Variants in PLPPR1 observed in about 807,000 individuals in gnomAD.
The protein encoded by PLPPR1 is phospholipid phosphatase related 1.
A neutral mutation model predicts 33.1 loss-of-function variants in PLPPR1; 10 were observed. That is an observed-to-expected ratio of 0.30 (90% confidence interval 0.19 to 0.51). The LOEUF (loss-of-function observed/expected upper bound fraction) is 0.51, where lower values mean the gene tolerates loss of function less well. Among genes scored for constraint, PLPPR1 ranks in the 20% least tolerant of loss-of-function variants. PLPPR1 has a pLI of 0.97. For synonymous variants in PLPPR1, 151 were observed against 151.0 expected (o/e 1.00, Z 0.00); for missense variants, 304 against 408.1 (o/e 0.74, Z 2.20).
chr9:101,317,226 C>A, intron 6 of PLPPR1, 139 bp from the exon 7 acceptor site: 2 of 859,730 alleles, frequency 2.3e-6, no homozygotes, highest in Admixed American at 2.4e-5. Context: ...CAGCACTTCC[C>A]ATAGTCCCTT....
intron 4 of PLPPR1, among the ~76,000 whole-genome samples, chr9:101,296,551 A>G (rs553686951): frequency 1.4e-4 from 21 of 152,290 alleles, no homozygotes; most frequent in African/African-American, 3.9e-4. Flanking sequence ...AACCAACACA[A>G]ATGTCCAACA....
Position 101,236,145 on chromosome 9 carries a change from A to G in PLPPR1, c.64-33735A>G, listed in dbSNP as rs551108175. ...ATGCCTTCTAGTATTCTCTCCATCAAGTAATTGCCAGGGTTGTGCTTGGTT... is the reference window on the plus strand; with the variant it reads ...ATGCCTTCTAGTATTCTCTCCATCAGGTAATTGCCAGGGTTGTGCTTGGTT... On this transcript the variant is annotated intron_variant, in intron 2 of 7. Transcript: ENST00000374874. Among the ~76,000 whole-genome samples the G allele has an allele frequency of 1.8e-4, 28 of 151,736 alleles. No individual in the cohort carries two copies. The Admixed American group carries it at 1.8e-3, about 10-fold the overall frequency.
intron 1 of PLPPR1, among the ~76,000 whole-genome samples, chr9:101,057,796 C>A (rs1036467790): frequency 3.9e-5 from 6 of 152,138 alleles, no homozygotes; most frequent in African/African-American, 1.4e-4. Flanking sequence ...ATATTCTTTT[C>A]TATTGGAAGG....
intron 2 of PLPPR1, among the ~76,000 whole-genome samples, chr9:101,222,575 A>G (rs771641363): frequency 6.6e-6 from 1 of 152,176 alleles, no homozygotes; most frequent in Non-Finnish European, 1.5e-5. Flanking sequence ...TGTGAAGGAC[A>G]TTTTACACTA....
chr9:101,264,964 C>T (rs895610160), intron 2 of PLPPR1, among the ~76,000 whole-genome samples: 4 of 152,166 alleles, frequency 2.6e-5, no homozygotes, highest in Non-Finnish European at 4.4e-5. Flanking sequence ...GACACACAGG[C>T]TTACATGAGT....
intron 1 of PLPPR1, among the ~76,000 whole-genome samples, chr9:101,049,658 T>C (rs751048581): frequency 6.6e-6 from 1 of 152,180 alleles, no homozygotes; most frequent in African/African-American, 2.4e-5. Flanking sequence ...TAAACTCTGA[T>C]GGGCTGGCTC....
intron 1 of PLPPR1, among the ~76,000 whole-genome samples, chr9:101,174,528 C>A (rs1232775654): frequency 2.0e-5 from 3 of 152,120 alleles, no homozygotes; most frequent in Non-Finnish European, 2.9e-5. Context: ...TTATTCTCTG[C>A]ACATTCTCTG....
intron 1 of PLPPR1, among the ~76,000 whole-genome samples, chr9:101,039,074 A>G (rs1830045624): frequency 6.6e-6 from 1 of 152,188 alleles, no homozygotes; most frequent in Non-Finnish European, 1.5e-5. Flanking sequence ...TAATCAAGTC[A>G]TGAAATCTTT....
intron 2 of PLPPR1, among the ~76,000 whole-genome samples, chr9:101,224,880 A>G (rs1827030032): frequency 6.6e-6 from 1 of 152,176 alleles, no homozygotes. Flanking sequence ...TGGTTCCTCC[A>G]GTTGCTGGGA....
chr9:101,304,028 T>C (rs1022166311), intron 4 of PLPPR1, among the ~76,000 whole-genome samples: 1 of 152,216 alleles, frequency 6.6e-6, no homozygotes, highest in African/African-American at 2.4e-5. Context: ...CTCCATACTC[T>C]AAGGTTTTTT....
At position 101,147,284 on chromosome 9, in the gene PLPPR1, G is replaced by A. The variant is rs1053563668; in HGVS notation, c.-45-38166G>A. On this transcript the variant is annotated intron_variant, in intron 1 of 7. Transcript: ENST00000374874. The stretch of plus-strand genomic sequence containing the variant: ...TTTGTTCACAGTAAGGGCTCCTTGT[G>A]AGAATTACCCATTTTCTGTCTTTGG... Among the ~76,000 whole-genome samples the A allele has an allele frequency of 4.6e-5, 7 of 152,134 alleles. No individual in the cohort carries two copies. In the East Asian group the frequency reaches 5.8e-4, roughly 13 times the overall value.
intron 1 of PLPPR1, among the ~76,000 whole-genome samples, chr9:101,129,117 G>T (rs1402836818): frequency 6.6e-6 from 1 of 151,962 alleles, no homozygotes; most frequent in African/African-American, 2.4e-5. Flanking sequence ...AGAGTTCCTT[G>T]TCCTCTAATT....
At chr9:101,048,788 G>C (rs948755827) in intron 1 of PLPPR1, among the ~76,000 whole-genome samples, 4 of 152,162 alleles carry the variant, frequency 2.6e-5, no homozygotes, top group African/African-American at 9.7e-5. Flanking sequence ...CTACAGGGTG[G>C]CTATCCACTA....
At chr9:101,141,761 C>T (rs1444362339) in intron 1 of PLPPR1, among the ~76,000 whole-genome samples, 1 of 152,058 alleles carries the variant, frequency 6.6e-6, no homozygotes, top group Non-Finnish European at 1.5e-5. Flanking sequence ...GATTGGAAAA[C>T]TGCATGAAAA....
intron 1 of PLPPR1, among the ~76,000 whole-genome samples, chr9:101,141,447 TA>T (rs1034478983): frequency 2.6e-5 from 4 of 152,174 alleles, no homozygotes; most frequent in African/African-American, 9.7e-5. Context: ...TTAGAGAGAT[TA>T]AGTACTTTGC....
intron 1 of PLPPR1, among the ~76,000 whole-genome samples, chr9:101,034,976 C>G (rs1829992346): frequency 6.6e-6 from 1 of 152,120 alleles, no homozygotes; most frequent in African/African-American, 2.4e-5. Flanking sequence ...TAACACTTGC[C>G]TAGTTGCCCA....
intron 4 of PLPPR1, among the ~76,000 whole-genome samples, chr9:101,291,283 G>A (rs576379820): frequency 8.5e-5 from 13 of 152,344 alleles, no homozygotes; most frequent in South Asian, 6.2e-4. Flanking sequence ...CAAAGCAGCC[G>A]GGAAGCTCGA....
chr9:101,114,433 A>T (rs1193551179), intron 1 of PLPPR1, among the ~76,000 whole-genome samples: 1 of 152,212 alleles, frequency 6.6e-6, no homozygotes, highest in Admixed American at 6.5e-5. Context: ...GGAAATAGAT[A>T]TGGCTGTGTG....
chr9:101,143,785 T>A (rs1036730305), intron 1 of PLPPR1, among the ~76,000 whole-genome samples: 1 of 152,164 alleles, frequency 6.6e-6, no homozygotes, highest in Non-Finnish European at 1.5e-5. Context: ...AAACAACAGA[T>A]GCTGGAGAGG....
Sources: gnomAD v4.1 joint callset for allele counts (sites outside exome capture counted in the v4.1 genomes callset) on GRCh38, gnomAD v4.1.1 for gene constraint, MANE v1.5 for transcripts, NCBI Gene and HGNC (gene_info 2026-07-23, HGNC 2026-07-21) for gene names.